Variants in SALL4 observed in about 807,000 individuals in gnomAD.
The protein encoded by SALL4 is spalt like transcription factor 4, also known as sal-like protein 4.
A neutral mutation model predicts 60.8 loss-of-function variants in SALL4; 4 were observed. The ratio of observed to expected loss-of-function variants is 0.07; its 90% CI spans 0.03 to 0.15. The LOEUF (loss-of-function observed/expected upper bound fraction) is 0.15. Among genes scored for constraint, SALL4 ranks in the 10% least tolerant of loss-of-function variants. SALL4 has a pLI of 1.00. For missense variants in SALL4, 1,178 were observed against 1,394.7 expected, an observed-to-expected ratio of 0.84 and a Z score of 2.48; for synonymous variants, 580 against 574.9, an observed-to-expected ratio of 1.01 and a Z score of -0.13.
chr20:51,794,910 T>G (rs2078070656), intron 1 of SALL4, among the ~76,000 whole-genome samples: 1 of 152,180 alleles, frequency 6.6e-6, no homozygotes, highest in South Asian at 2.1e-4. Flanking sequence ...ATTGCAACTT[T>G]CTTTCCTCTC....
rs767919130 is a variant in SALL4, at chr20:51,789,105, G to A, written c.2498C>T (p.Pro833Leu). 1.5e-5 allele frequency: 25 copies of A among 1,614,032 alleles called. No individual in the cohort carries two copies. The highest frequency in any genetic ancestry group is 1.6e-4 in the Middle Eastern group (1 of 6,084). Residue 833 changes from proline (P) to leucine (L), a missense_variant, in exon 3 of 4, where the codon CCG (proline) becomes CTG (leucine). By Grantham distance (98) the Pro-to-Leu change is moderately conservative. Coordinates refer to ENST00000217086, the MANE Select transcript of SALL4 (RefSeq NM_020436.5). ...SSLPSTFIRA[P>L]PTYVKVEVPG... The stretch of plus-strand genomic sequence containing the variant: ...AACTTCAACCTTGACATAGGTCGGC[G>A]GGGCTCGGATAAACGTGGAAGGGAG...
In SALL4 at chr20:51,791,432, C is replaced by T; in HGVS notation, c.1051G>A (p.Val351Met). ...SVLFQSPFST[V>M]ALDTSKKGKG... is the part of the protein sequence containing the mutation. ...CCTTTCTTGGATGTGTCTAGCGCCACAGTGGAGAAAGGGCTCTGGAAGAGC... is the reference window on the plus strand; with the variant it reads ...CCTTTCTTGGATGTGTCTAGCGCCATAGTGGAGAAAGGGCTCTGGAAGAGC... Residue 351 changes from valine to methionine, a missense_variant, in exon 2 of 4, where the codon GTG (valine) becomes ATG (methionine). Around this residue, in one of 5 missense-constraint regions of SALL4, gnomAD observed 853 missense variants for 1,036.8 expected, o/e 0.82. Coordinates refer to ENST00000217086, the MANE Select transcript of SALL4 (RefSeq NM_020436.5). The surrounding 1 kb of genome is among the most constrained non-coding windows in gnomAD (Gnocchi z 4.6). 1 of 1,614,194 alleles carries T rather than the reference C, an allele frequency of 6.2e-7. No homozygotes were observed. The highest frequency in any genetic ancestry group is 8.5e-7 in the Non-Finnish European group (1 of 1,180,038).
At chr20:51,800,470 T>C (rs2078102914) in intron 1 of SALL4, among the ~76,000 whole-genome samples, 1 of 152,156 alleles carries the variant, frequency 6.6e-6, no homozygotes. Context: ...TGACTCTGAT[T>C]CCAAACTCCA....
chr20:51,796,745 A>G (rs2078081897), intron 1 of SALL4, among the ~76,000 whole-genome samples: 1 of 152,124 alleles, frequency 6.6e-6, no homozygotes, highest in African/African-American at 2.4e-5. Context: ...CCCAATTCAT[A>G]ATCGTTTCTT....
intron 1 of SALL4, among the ~76,000 whole-genome samples, chr20:51,799,198 T>A (rs1163160493): frequency 6.6e-6 from 1 of 152,142 alleles, no homozygotes; most frequent in African/African-American, 2.4e-5. Flanking sequence ...CATTCCCAAT[T>A]CATAGTAGCC....
At position 51,783,646 on chromosome 20, in the gene SALL4, G is replaced by C. The variant is rs779395931; in HGVS notation, c.*619C>G. 2 of 153,740 alleles carry C rather than the reference G, an allele frequency of 1.3e-5. No homozygotes were observed. Among genetic ancestry groups the C allele is most frequent in the Non-Finnish European group, 1.4e-5 (1 of 69,274 alleles). 9.5% of individuals were successfully genotyped at this position (153,740 alleles called of 1,614,324 possible). On this transcript the variant is annotated 3_prime_UTR_variant, in exon 4 of 4. Coordinates refer to ENST00000217086, the MANE Select transcript of SALL4 (RefSeq NM_020436.5). ...ACAGTCTTTGGAAAAAGTCACTCTA[G>C]GTTGTACAAAGGTTCTATGTATACG...
intron 1 of SALL4, among the ~76,000 whole-genome samples, chr20:51,800,965 A>T (rs1342567910): frequency 6.6e-6 from 1 of 152,196 alleles, no homozygotes; most frequent in Non-Finnish European, 1.5e-5. Flanking sequence ...ACGGAAGCCA[A>T]AAAGTGGCGA....
At position 51,783,531 on chromosome 20, in the gene SALL4, T is replaced by C. The variant is rs1056636170; in HGVS notation, c.*734A>G. 6.6e-6 allele frequency: 1 copy of C among 152,330 alleles called. No individual in the cohort carries two copies. The highest frequency in any genetic ancestry group is 2.4e-5 in the African/African-American group (1 of 41,402). 9.4% of individuals were successfully genotyped at this position (152,330 alleles called of 1,614,324 possible). ...ACCCGTGTCCAGTTACCAGTAAGTA[T>C]ACAGTACCCATCTCCCCTCAATGAG... On this transcript the variant is annotated 3_prime_UTR_variant, in exon 4 of 4. Transcript: ENST00000217086.
At position 51,784,507 on chromosome 20, in the gene SALL4, T is replaced by A; in HGVS notation, c.2920A>T (p.Ser974Cys). 6.2e-7 allele frequency: 1 copy of A among 1,614,180 alleles called. No homozygotes were observed. The highest frequency in any genetic ancestry group is 8.5e-7 in the Non-Finnish European group (1 of 1,180,026). The change falls in exon 4 of 4, where the codon AGC (serine) becomes TGC (cysteine). Residue 974 changes from serine to cysteine, a missense_variant. Transcript: ENST00000217086. Reference sequence around the variant, plus strand: ...ACGGCCAGACCGCCATTGAGCATGCTGGTGTACTGGTTCCACACAACAGGG... The same window carrying A: ...ACGGCCAGACCGCCATTGAGCATGCAGGTGTACTGGTTCCACACAACAGGG... ...VDPVVWNQYT[S>C]MLNGGLAVKT...
At position 51,791,571 on chromosome 20, in the gene SALL4, G is replaced by A; in HGVS notation, c.912C>T (p.Ser304=). Residue 304 remains serine, a synonymous_variant, in exon 2 of 4, where the codon AGC becomes AGT. Coordinates refer to ENST00000217086, the MANE Select transcript of SALL4 (RefSeq NM_020436.5). This position sits in a 1 kb window ranked among gnomAD's most constrained non-coding sequence, Gnocchi z 4.6. Reference sequence around the variant, plus strand: ...AGGGTGCCAGCCCTGGGGACAGGGAGCTGGTGGCAGAAGGGATGTTGGCGT... The same window carrying A: ...AGGGTGCCAGCCCTGGGGACAGGGAACTGGTGGCAGAAGGGATGTTGGCGT... ...LPHANIPSAT[S]SLSPGLAPFT... is the part of the protein sequence containing the mutation. 1 of 1,613,694 alleles carries A rather than the reference G, an allele frequency of 6.2e-7. No individual in the cohort carries two copies. Among genetic ancestry groups the A allele is most frequent in the Non-Finnish European group, 8.5e-7 (1 of 1,180,054 alleles).
chr20:51,789,523 T>C (rs1246712748), intron 2 of SALL4, among the ~76,000 whole-genome samples: 1 of 152,164 alleles, frequency 6.6e-6, no homozygotes, highest in Admixed American at 6.5e-5. Flanking sequence ...TCAATAGATA[T>C]GTGCATTTAA....
chr20:51,784,057 T>C lies in SALL4; in HGVS notation c.*208A>G. On this transcript the variant is annotated 3_prime_UTR_variant, in exon 4 of 4. Coordinates refer to ENST00000217086, the MANE Select transcript of SALL4 (RefSeq NM_020436.5). ...TCTGTATTTGTTTTGGTATGCATTTTTTTTTTATTTTTTCAACTTTTTGCA... is the reference window on the plus strand; with the variant it reads ...TCTGTATTTGTTTTGGTATGCATTTCTTTTTTATTTTTTCAACTTTTTGCA... The C allele has an allele frequency of 3.3e-6, 2 of 614,548 alleles. No homozygotes were observed. Among genetic ancestry groups the C allele is most frequent in the East Asian group, 5.6e-5 (2 of 35,644 alleles). The allele number at this position is 614,548 out of a possible 1,614,324, so 38.1% of individuals were successfully genotyped here. A position where few individuals can be genotyped will look rare whatever the true frequency, so the allele number is the denominator to read the frequency against.
In SALL4 at chr20:51,790,460, C is replaced by T; in HGVS notation, c.2023G>A (p.Glu675Lys). Residue 675 changes from glutamate (E) to lysine (K), a missense_variant, in exon 2 of 4, where the codon GAG (glutamate) becomes AAG (lysine). Physicochemically the swap from Glu to Lys is moderately conservative, Grantham distance 56 (BLOSUM62 1). Transcript: ENST00000217086. This position sits in a 1 kb window ranked among gnomAD's most constrained non-coding sequence, Gnocchi z 5.5. ...FTGSEPMTVG[E>K]NGSTGAICHD... Reference sequence around the variant, plus strand: ...CAGATAGCGCCGGTGCTGCCGTTCTCACCCACGGTCATTGGCTCAGAACCC... The same window carrying T: ...CAGATAGCGCCGGTGCTGCCGTTCTTACCCACGGTCATTGGCTCAGAACCC... 1 of 1,614,168 alleles carries T rather than the reference C, an allele frequency of 6.2e-7. No individual in the cohort carries two copies. Among genetic ancestry groups the T allele is most frequent in the Non-Finnish European group, 8.5e-7 (1 of 1,180,050 alleles).
Position 51,802,261 on chromosome 20 carries a change from C to CGCCCCA in SALL4, c.130+12_130+17dup, listed in dbSNP as rs767768525. ...CGGGAAGCTCCCCTCCCCGGGCGGG[C>CGCCCCA]GCCCCAGCCCCACTCACCCAGCTCC... On this transcript the variant is annotated intron_variant, in intron 1 of 3. Transcript: ENST00000217086. 2.8e-5 allele frequency: 44 copies of CGCCCCA among 1,576,658 alleles called. No homozygotes were observed. In the East Asian group the frequency reaches 7.1e-4, roughly 25 times the overall value.
intron 1 of SALL4, among the ~76,000 whole-genome samples, chr20:51,800,486 C>T (rs1197614500): frequency 2.0e-5 from 3 of 152,214 alleles, no homozygotes; most frequent in African/African-American, 7.2e-5. Flanking sequence ...CTCCAACCAT[C>T]GTTAATTTCA....
chr20:51,796,218 G>A (rs1382236988), intron 1 of SALL4, among the ~76,000 whole-genome samples: 46 of 128,510 alleles, frequency 3.6e-4, no homozygotes, highest in Admixed American at 3.9e-4. Flanking sequence ...AAAAAAGAAA[G>A]AAAGAAAGAA....
At chr20:51,785,303 AAAAAAAT>A (rs1364522454) in intron 3 of SALL4, among the ~76,000 whole-genome samples, 3 of 152,262 alleles carry the variant, frequency 2.0e-5, no homozygotes, top group South Asian at 2.1e-4. Context: ...TCCATCTCAA[AAAAAAAT>A]AAAAAATAAA....
Position 51,802,476 on chromosome 20 carries a change from G to A in SALL4, c.-68C>T. 11 of 1,608,458 alleles carry A rather than the reference G, an allele frequency of 6.8e-6. No individual in the cohort carries two copies. Among genetic ancestry groups the A allele is most frequent in the Non-Finnish European group, 8.5e-6 (10 of 1,177,984 alleles). ...CTCTCCGCCACAAATTCCTGGAGTTGGGAAATTTACCCCCCTTCGGCCGGA... is the reference window on the plus strand; with the variant it reads ...CTCTCCGCCACAAATTCCTGGAGTTAGGAAATTTACCCCCCTTCGGCCGGA... On this transcript the variant is annotated 5_prime_UTR_variant, in exon 1 of 4. Coordinates refer to ENST00000217086, the MANE Select transcript of SALL4 (RefSeq NM_020436.5).
rs1222554946 is a variant in SALL4 at position 51,791,389 on chromosome 20, T to C, written c.1094A>G (p.Asn365Ser). Residue 365 changes from asparagine (N) to serine (S), a missense_variant, in exon 2 of 4, where the codon AAC becomes AGC. Transcript: ENST00000217086. The surrounding 1 kb of genome is among the most constrained non-coding windows in gnomAD (Gnocchi z 4.6). ...GGGTTTGACATCCACCGCGGAGATG[T>C]TCGGTGGCTTCCCCTTCCCTTTCTT... ...TSKKGKGKPP[N>S]ISAVDVKPKD... The C allele has an allele frequency of 6.2e-7, 1 of 1,614,218 alleles. No homozygotes were observed. Among genetic ancestry groups the C allele is most frequent in the Admixed American group, 1.7e-5 (1 of 60,024 alleles).
Sources: gnomAD v4.1 joint callset for allele counts (sites outside exome capture counted in the v4.1 genomes callset) on GRCh38, gnomAD v4.1.1 for gene constraint, gnomAD v4.1.1 regional missense constraint, Gnocchi (gnomAD v3.1) non-coding constraint, MANE v1.5 for transcripts, NCBI Gene and HGNC (gene_info 2026-07-23, HGNC 2026-07-21) for gene names.